The following HIP1R variants were observed in gnomAD, a reference collection of about 807,000 sequenced individuals.
The protein encoded by HIP1R is huntingtin-interacting protein 1-related protein.
A neutral mutation model predicts 144.2 loss-of-function variants in HIP1R; 135 were observed. That is an observed-to-expected ratio of 0.94 (90% CI 0.81 to 1.08). The LOEUF (loss-of-function observed/expected upper bound fraction) is 1.08, where lower values mean the gene tolerates loss of function less well. Among genes scored for constraint, HIP1R ranks in the 50% least tolerant of loss-of-function variants. HIP1R has a pLI of 0.00. For missense variants in HIP1R, 1,462 were observed against 1,432.8 expected (o/e 1.02, Z -0.33); for synonymous variants, 698 against 612.8 (o/e 1.14, Z -2.05).
intron 30 of HIP1R, 39 bp downstream of exon 30, chr12:122,861,231 CCCTCGGGCGAAG>C: frequency 6.2e-7 from 1 of 1,613,042 alleles, no homozygotes; most frequent in Non-Finnish European, 8.5e-7. Context: ...CTGAGCTCAT[CCCTCGGGCGAAG>C]CCTGGACCCA....
intron 1 of HIP1R, among the ~76,000 whole-genome samples, chr12:122,841,664 G>A (rs910440237): frequency 6.6e-6 from 1 of 152,176 alleles, no homozygotes; most frequent in African/African-American, 2.4e-5. Flanking sequence ...GGTGACTCAG[G>A]CTCCTGGCTT....
chr12:122,857,719 T>C, intron 18 of HIP1R: 1 of 268,698 alleles, frequency 3.7e-6, no homozygotes. Flanking sequence ...AATGTTCCAG[T>C]TTCTCCACAT....
intron 1 of HIP1R, among the ~76,000 whole-genome samples, chr12:122,839,297 G>A (rs1193182230): frequency 1.3e-5 from 2 of 152,210 alleles, no homozygotes; most frequent in Non-Finnish European, 2.9e-5. Flanking sequence ...CCCACAGGAT[G>A]GAGATCAAGC....
In HIP1R at chr12:122,856,524, G is replaced by A. The variant is rs773766572; in HGVS notation, c.1494G>A (p.Gln498=). Residue 498 remains glutamine (Q), a synonymous_variant, in exon 16 of 32, where the codon CAG becomes CAA. Coordinates refer to ENST00000253083, the MANE Select transcript of HIP1R (RefSeq NM_003959.3). Reference sequence around the variant, plus strand: ...AGCAGCTGGCCTTCCAGGTGGAGCAGGTGAAGCGGGAGTCGGAGTTGAAGG... The same window carrying A: ...AGCAGCTGGCCTTCCAGGTGGAGCAAGTGAAGCGGGAGTCGGAGTTGAAGG... The part of the protein sequence containing the change: ...VKEQLAFQVE[Q]VKRESELKLE... 5.6e-6 allele frequency: 9 copies of A among 1,598,982 alleles called. No individual in the cohort carries two copies. The highest frequency in any genetic ancestry group is 1.3e-5 in the African/African-American group (1 of 74,770).
chr12:122,858,572 C>T (rs1421912684), intron 20 of HIP1R, 137 bp downstream of exon 20: 3 of 738,124 alleles, frequency 4.1e-6, no homozygotes, highest in Non-Finnish European at 6.5e-6. Flanking sequence ...CTGCCTGCTC[C>T]TTCCCAGGAA....
At chr12:122,859,325 T>C (rs2033690785) in intron 22 of HIP1R, 101 bp from the exon 23 acceptor site, 1 of 1,452,528 alleles carries the variant, frequency 6.9e-7, no homozygotes. Context: ...GTGGGGACCA[T>C]GCACCCTCCT....
intron 23 of HIP1R, 49 bp downstream of exon 23, chr12:122,859,585 G>GCCT: frequency 6.7e-7 from 1 of 1,493,014 alleles, no homozygotes; most frequent in Non-Finnish European, 9.2e-7. Context: ...AGCTTTGGGG[G>GCCT]CCGGAGGCCC....
At chr12:122,837,075 A>G (rs931519371) in intron 1 of HIP1R, among the ~76,000 whole-genome samples, 2 of 152,156 alleles carry the variant, frequency 1.3e-5, no homozygotes, top group African/African-American at 2.4e-5. Flanking sequence ...GAAAACCTGA[A>G]TTGGCAGACA....
intron 1 of HIP1R, among the ~76,000 whole-genome samples, chr12:122,843,165 C>T (rs938949595): frequency 1.3e-5 from 2 of 152,194 alleles, no homozygotes; most frequent in Non-Finnish European, 2.9e-5. Flanking sequence ...GATGTCTATG[C>T]TGACACACTT....
chr12:122,857,328 C>T (rs959196676), intron 18 of HIP1R, 113 bp downstream of exon 18: 13 of 1,000,512 alleles, frequency 1.3e-5, no homozygotes, highest in Middle Eastern at 2.0e-4. Context: ...GGATCATACA[C>T]GATGCATCCT....
Position 122,858,217 on chromosome 12 carries a change from AC to A in HIP1R, c.1936del (p.Leu646CysfsTer13). 1.9e-6 allele frequency: 3 copies of A among 1,605,530 alleles called. No homozygotes were observed. The highest frequency in any genetic ancestry group is 2.6e-6 in the Non-Finnish European group (3 of 1,175,238). On this transcript the variant is annotated frameshift_variant, in exon 19 of 32. Transcript: ENST00000253083. LOFTEE classifies it high-confidence loss of function. The part of the protein sequence containing the change: ...ILQDAVSKLD[D>X]PLHLRCTSSP... ...CAGGATGCCGTGAGCAAGCTGGACG[AC>A]CCCCTGCACCTGCGCTGTACCAGCT...
At chr12:122,852,386 C>G in intron 7 of HIP1R, among the ~76,000 whole-genome samples, 1 of 152,216 alleles carries the variant, frequency 6.6e-6, no homozygotes, top group East Asian at 1.9e-4. Context: ...CTACCAGGCT[C>G]TGTGTCCTGG....
intron 3 of HIP1R, 66 bp from the exon 4 acceptor site, chr12:122,848,730 G>A (rs2033287710): frequency 1.1e-5 from 17 of 1,602,486 alleles, no homozygotes; most frequent in Middle Eastern, 1.7e-4. Flanking sequence ...GGTGGGGAGT[G>A]CGTGTCTCAG....
chr12:122,855,640 G>A (rs1284825456), intron 12 of HIP1R, 28 bp downstream of exon 12: 1 of 1,549,020 alleles, frequency 6.5e-7, no homozygotes, highest in Non-Finnish European at 8.7e-7. Flanking sequence ...CGACTGGGCT[G>A]GGGGTGGTTG....
At chr12:122,841,195 C>T (rs1283689990) in intron 1 of HIP1R, among the ~76,000 whole-genome samples, 2 of 152,226 alleles carry the variant, frequency 1.3e-5, no homozygotes, top group East Asian at 1.9e-4. Context: ...TGCAGCCACC[C>T]GCTGCCGTCC....
At position 122,848,431 on chromosome 12, in the gene HIP1R, A is replaced by G. The variant is rs376480621; in HGVS notation, c.158-35A>G. ...CGGGTTTGCTGAGCCCCCGTGCTCC[A>G]GTCTCTGCTTCCACACTTGGCCTTG... On this transcript the variant is annotated intron_variant, in intron 2 of 31. Transcript: ENST00000253083. 318 of 1,588,118 alleles carry G rather than the reference A, an allele frequency of 2.0e-4. 6 individuals are homozygous for G. The South Asian group carries it at 2.9e-3, about 15-fold the overall frequency.
At chr12:122,856,196 G>T (rs374561172) in intron 14 of HIP1R, 33 bp downstream of exon 14, 4 of 1,612,124 alleles carry the variant, frequency 2.5e-6, no homozygotes, top group Non-Finnish European at 3.4e-6. Context: ...GGGTCCAAGG[G>T]TGTGTCCCCA....
At position 122,861,348 on chromosome 12, in the gene HIP1R, G is replaced by T; in HGVS notation, c.2993G>T (p.Arg998Leu). The change falls in exon 31 of 32, where the codon CGC becomes CTC. Residue 998 changes from arginine to leucine, a missense_variant. Arg to Leu is a moderately radical substitution (Grantham distance 102, BLOSUM62 -2). Around this residue, in one of 2 missense-constraint regions of HIP1R, gnomAD observed 1,112 missense variants for 1,011.7 expected, o/e 1.10. Transcript: ENST00000253083. ...LELEKTLEAE[R>L]MRLGELRKQH... ...CTGGAGAAGACGCTGGAGGCTGAAC[G>T]CATGCGGCTGGGGGAGTTGCGGAAG... 1 of 1,613,550 alleles carries T rather than the reference G, an allele frequency of 6.2e-7. No individual in the cohort carries two copies. Among genetic ancestry groups the T allele is most frequent in the East Asian group, 2.2e-5 (1 of 44,872 alleles).
rs953433346 is a variant in HIP1R at position 122,849,928 on chromosome 12, G to A, written c.411G>A (p.Leu137=). ...TGGTGAATGTCTACACCAAGCTGCT[G>A]CTGACCAAGATCTCCTTCCACCTCA... is the stretch of plus-strand genomic sequence containing the variant. ...GQLVNVYTKL[L]LTKISFHLKH... The change falls in exon 5 of 32, where the codon CTG becomes CTA. Residue 137 remains leucine (L), a synonymous_variant. Transcript: ENST00000253083. 6.2e-7 allele frequency: 1 copy of A among 1,613,650 alleles called. No individual in the cohort carries two copies. The highest frequency in any genetic ancestry group is 1.6e-4 in the Middle Eastern group (1 of 6,062).
Sources: gnomAD v4.1 joint callset for allele counts (sites outside exome capture counted in the v4.1 genomes callset) on GRCh38, gnomAD v4.1.1 for gene constraint, gnomAD v4.1.1 regional missense constraint, MANE v1.5 for transcripts, NCBI Gene and HGNC (gene_info 2026-07-23, HGNC 2026-07-21) for gene names.